Variants in LIFR observed in about 807,000 individuals in gnomAD.
The protein encoded by LIFR is LIF receptor subunit alpha, also known as leukemia inhibitory factor receptor.
In LIFR, 84 loss-of-function variants were observed where a neutral mutation model predicts 122.2. The observed-to-expected ratio is 0.69, with a 90% CI of 0.58 to 0.82. The LOEUF (loss-of-function observed/expected upper bound fraction) is 0.82, where lower values mean the gene tolerates loss of function less well. Ranked by LOEUF, LIFR falls within the 40% of genes least tolerant of loss-of-function variation. LIFR has a pLI of 0.00. For missense variants in LIFR, 1,294 were observed against 1,311.6 expected, an observed-to-expected ratio of 0.99 and a Z score of 0.21; for synonymous variants, 422 against 434.7, an observed-to-expected ratio of 0.97 and a Z score of 0.36.
intron 1 of LIFR, among the ~76,000 whole-genome samples, chr5:38,569,143 A>C (rs1307427804): frequency 4.6e-5 from 7 of 152,162 alleles, no homozygotes; most frequent in African/African-American, 1.7e-4. Flanking sequence ...CACATCACCC[A>C]TTTTTACACT....
chr5:38,540,779 T>TA lies in LIFR; in HGVS notation c.-19-10114dup, dbSNP rs34580728. Among the ~76,000 whole-genome samples the TA allele has an allele frequency of 8.6e-3, 1,289 of 149,420 alleles. 17 individuals carry two copies. Among genetic ancestry groups the TA allele is most frequent in the African/African-American group, 0.028 (1,128 of 40,606 alleles). On this transcript the variant is annotated intron_variant, in intron 1 of 19. Transcript: ENST00000453190. Reference sequence around the variant, plus strand: ...TTAAATGCTGGCAATTAATTCCAATTAAAAAAAAAACACTATGTGGGCCAA... The same window carrying TA: ...TTAAATGCTGGCAATTAATTCCAATTAAAAAAAAAAACACTATGTGGGCCAA...
chr5:38,553,622 C>CTA (rs66547796), intron 1 of LIFR, among the ~76,000 whole-genome samples: 1,005 of 41,204 alleles, frequency 0.024, 18 homozygotes, highest in Non-Finnish European at 0.038. Context: ...ACCATTTAAA[C>CTA]TATATATATA....
chr5:38,510,855 T>C (rs959988822), intron 6 of LIFR, 137 bp from the exon 7 acceptor site: 10 of 687,084 alleles, frequency 1.5e-5, no homozygotes, highest in Non-Finnish European at 2.2e-5. Context: ...TTAGGTGCTT[T>C]GTAATGATAA....
At chr5:38,524,777 G>C (rs1304524802) in intron 4 of LIFR, among the ~76,000 whole-genome samples, 4 of 152,144 alleles carry the variant, frequency 2.6e-5, no homozygotes, top group African/African-American at 4.8e-5. Context: ...ACCAGCCAAA[G>C]CTCCTTTTAG....
At position 38,511,868 on chromosome 5, in the gene LIFR, T is replaced by C; in HGVS notation, c.658A>G (p.Ile220Val). ...PLECAIHFVE[I>V]RCYIDNLHFS... is the part of the protein sequence containing the mutation. ...TGAAGATTGTCAATGTAGCATCTAATTTCCACAAAATGAATGGCACATTCC... is the reference window on the plus strand; with the variant it reads ...TGAAGATTGTCAATGTAGCATCTAACTTCCACAAAATGAATGGCACATTCC... The change falls in exon 6 of 20, where the codon ATT becomes GTT. Residue 220 changes from isoleucine to valine, a missense_variant. Transcript: ENST00000453190. 3.1e-6 allele frequency: 5 copies of C among 1,614,164 alleles called. No homozygotes were observed. The highest frequency in any genetic ancestry group is 4.2e-6 in the Non-Finnish European group (5 of 1,179,996).
intron 1 of LIFR, among the ~76,000 whole-genome samples, chr5:38,567,615 G>A (rs1305789416): frequency 4.0e-5 from 6 of 151,562 alleles, no homozygotes; most frequent in East Asian, 1.9e-4. Flanking sequence ...TGGAACCTCC[G>A]CCTCTTGGGT....
intron 1 of LIFR, among the ~76,000 whole-genome samples, chr5:38,578,207 CTTTTT>C (rs3079294): frequency 8.1e-6 from 1 of 123,468 alleles, no homozygotes; most frequent in East Asian, 2.3e-4. Context: ...TTTTCTTTTT[CTTTTT>C]TTTTTTTTTT....
chr5:38,530,006 A>T (rs947051959), intron 2 of LIFR, among the ~76,000 whole-genome samples: 7 of 152,330 alleles, frequency 4.6e-5, no homozygotes, highest in African/African-American at 1.7e-4. Context: ...CTACATAAAC[A>T]TTCTTAATAT....
intron 2 of LIFR, 32 bp downstream of exon 2, chr5:38,530,474 C>A (rs550481127): frequency 1.3e-6 from 2 of 1,585,860 alleles, no homozygotes; most frequent in African/African-American, 2.7e-5. Context: ...AAACTGCAAT[C>A]TGTTCATTCT....
rs777432807 is a variant in LIFR at position 38,527,323 on chromosome 5, CAAAT to C, written c.258-33_258-30del. The C allele has an allele frequency of 8.7e-6, 12 of 1,376,864 alleles. No homozygotes were observed. In the South Asian group the frequency reaches 1.4e-4, roughly 17 times the overall value. The allele number at this position is 1,376,864 out of a possible 1,614,324, so 85.3% of individuals were successfully genotyped here. On this transcript the variant is annotated intron_variant, in intron 3 of 19. Transcript: ENST00000453190. ...TAATAAGAAATTGAATTTTAATTAG[CAAAT>C]AAAATTAATAGTATAATTTTCATAA...
chr5:38,517,337 C>T (rs1746137056), intron 5 of LIFR, among the ~76,000 whole-genome samples: 1 of 152,132 alleles, frequency 6.6e-6, no homozygotes, highest in Non-Finnish European at 1.5e-5. Flanking sequence ...AATATTGCCA[C>T]TTTACAAAAG....
At chr5:38,599,346 A>G (rs189061692), upstream of LIFR, among the ~76,000 whole-genome samples, 153 of 152,310 alleles carry the variant, frequency 1.0e-3, no homozygotes, top group African/African-American at 3.6e-3. Context: ...TTCTGGCACC[A>G]TTACTGAAAG....
chr5:38,566,313 A>G (rs1449831772), intron 1 of LIFR, among the ~76,000 whole-genome samples: 1 of 152,208 alleles, frequency 6.6e-6, no homozygotes, highest in African/African-American at 2.4e-5. Flanking sequence ...CAGTGGCTCA[A>G]AGTTAAAATA....
chr5:38,552,851 G>A (rs569995379), intron 1 of LIFR, among the ~76,000 whole-genome samples: 28 of 152,160 alleles, frequency 1.8e-4, no homozygotes, highest in Admixed American at 1.1e-3. Flanking sequence ...AGATTATTTC[G>A]TAAATTCTCT....
intron 17 of LIFR, chr5:38,485,483 C>T: frequency 2.9e-6 from 1 of 348,828 alleles, no homozygotes; most frequent in East Asian, 6.8e-5. Context: ...TCACTTTTCC[C>T]TAGATATGTT....
rs1743783589 is a variant in LIFR at position 38,477,581 on chromosome 5, T to C, written c.*4014A>G. 4.7e-6 allele frequency: 1 copy of C among 213,876 alleles called. No homozygotes were observed. The highest frequency in any genetic ancestry group is 9.4e-6 in the Non-Finnish European group (1 of 105,822). 13.2% of individuals were successfully genotyped at this position (213,876 alleles called of 1,614,324 possible). A position where few individuals can be genotyped will look rare whatever the true frequency, so the allele number is the denominator to read the frequency against. ...AAGAAATTATGAACACTTAAAATTA[T>C]GGAGAAATAAGATATCTAGTGATAT... On this transcript the variant is annotated 3_prime_UTR_variant, in exon 20 of 20. Transcript: ENST00000453190.
intron 1 of LIFR, among the ~76,000 whole-genome samples, chr5:38,532,132 T>C (rs566381543): frequency 1.3e-5 from 2 of 152,322 alleles, no homozygotes; most frequent in South Asian, 4.1e-4. Flanking sequence ...CCATATTCAC[T>C]GACTGGCTAA....
chr5:38,561,427 C>T (rs1286975492), upstream of LIFR, among the ~76,000 whole-genome samples: 5 of 152,110 alleles, frequency 3.3e-5, no homozygotes, highest in Non-Finnish European at 7.4e-5. Context: ...ATAAAAAGGG[C>T]TTATTAAAAG....
In LIFR at chr5:38,480,415, A is replaced by C. The variant is rs1201752254; in HGVS notation, c.*1180T>G. 1.3e-5 allele frequency: 3 copies of C among 223,050 alleles called. No individual in the cohort carries two copies. The highest frequency in any genetic ancestry group is 2.7e-5 in the Non-Finnish European group (3 of 111,772). The allele number at this position is 223,050 out of a possible 1,614,324, so 13.8% of individuals were successfully genotyped here. A position where few individuals can be genotyped will look rare whatever the true frequency, so the allele number is the denominator to read the frequency against. On this transcript the variant is annotated 3_prime_UTR_variant, in exon 20 of 20. Coordinates refer to ENST00000453190, the MANE Select transcript of LIFR (RefSeq NM_001127671.2). ...AACACAGGTATGCCCATGGATTCAGATCAGTTTATGACAGTTACTAAGAAA... is the reference window on the plus strand; with the variant it reads ...AACACAGGTATGCCCATGGATTCAGCTCAGTTTATGACAGTTACTAAGAAA...
Sources: gnomAD v4.1 joint callset for allele counts (sites outside exome capture counted in the v4.1 genomes callset) on GRCh38, gnomAD v4.1.1 for gene constraint, MANE v1.5 for transcripts, NCBI Gene and HGNC (gene_info 2026-07-23, HGNC 2026-07-21) for gene names.